KIF2A: variants seen among roughly 807,000 people sequenced by gnomAD.
The protein encoded by KIF2A is kinesin family member 2A, also known as kinesin-like protein KIF2A.
A neutral mutation model predicts 100.2 loss-of-function variants in KIF2A; 22 were observed. The ratio of observed to expected loss-of-function variants is 0.22; its 90% CI spans 0.16 to 0.31. The LOEUF is 0.31. Among genes scored for constraint, KIF2A ranks in the 10% least tolerant of loss-of-function variants. The probability of loss-of-function intolerance (pLI) is 1.00; values close to 1 mark genes in which losing one functional copy is unlikely to be tolerated. For missense variants in KIF2A, 495 were observed against 898.7 expected (o/e 0.55, Z 5.74); for synonymous variants, 268 against 285.9 (o/e 0.94, Z 0.63).
At chr5:62,315,980 T>C (rs1006431071) in intron 1 of KIF2A, among the ~76,000 whole-genome samples, 8 of 152,206 alleles carry the variant, frequency 5.3e-5, no homozygotes, top group African/African-American at 1.9e-4. Context: ...GACTTAACAT[T>C]TGCAAAGTCT....
chr5:62,347,844 A>G (rs1747654979), intron 2 of KIF2A, among the ~76,000 whole-genome samples: 2 of 151,948 alleles, frequency 1.3e-5, no homozygotes, highest in Admixed American at 6.6e-5. Flanking sequence ...GGCTGGTCTC[A>G]GACTCCTGGG....
At chr5:62,338,696 CA>C (rs1414732273) in intron 1 of KIF2A, among the ~76,000 whole-genome samples, 1 of 152,086 alleles carries the variant, frequency 6.6e-6, no homozygotes, top group African/African-American at 2.4e-5. Flanking sequence ...AATGGAAAAA[CA>C]TACATTTGAC....
intron 1 of KIF2A, among the ~76,000 whole-genome samples, chr5:62,321,048 T>C (rs1044780888): frequency 3.3e-5 from 5 of 152,326 alleles, no homozygotes; most frequent in South Asian, 2.1e-4. Context: ...TAGCCTTTAG[T>C]GTATAGCATC....
rs962980768 is a variant in KIF2A, at chr5:62,361,436, T to C, written c.964-30T>C. 3.4e-6 allele frequency: 5 copies of C among 1,476,744 alleles called. No homozygotes were observed. The African/African-American group carries it at 5.6e-5, about 16-fold the overall frequency. 91.5% of individuals were successfully genotyped at this position (1,476,744 alleles called of 1,614,324 possible). ...TCTTAAGAGTTATTCCTGAGTAATGTCTGTTCTTTATTTTCTTTTTAAAAT... is the reference window on the plus strand; with the variant it reads ...TCTTAAGAGTTATTCCTGAGTAATGCCTGTTCTTTATTTTCTTTTTAAAAT... On this transcript the variant is annotated intron_variant, in intron 10 of 20. Transcript: ENST00000407818.
chr5:62,325,677 ACT>A (rs1561252521), intron 1 of KIF2A, among the ~76,000 whole-genome samples: 3 of 152,152 alleles, frequency 2.0e-5, no homozygotes, highest in African/African-American at 7.2e-5. Flanking sequence ...AAAAGGGAAC[ACT>A]CACACACTGT....
chr5:62,324,136 A>G (rs1279003107), intron 1 of KIF2A, among the ~76,000 whole-genome samples: 1 of 152,194 alleles, frequency 6.6e-6, no homozygotes, highest in African/African-American at 2.4e-5. Context: ...AGAATAAAAT[A>G]CCTAGGAATA....
At chr5:62,309,562 G>A (rs1745463617) in intron 1 of KIF2A, among the ~76,000 whole-genome samples, 1 of 152,110 alleles carries the variant, frequency 6.6e-6, no homozygotes, top group Non-Finnish European at 1.5e-5. Flanking sequence ...GTCTATATTG[G>A]ATAAAACACT....
chr5:62,364,190 C>T (rs1261183709), intron 14 of KIF2A, among the ~76,000 whole-genome samples: 1 of 151,774 alleles, frequency 6.6e-6, no homozygotes, highest in African/African-American at 2.4e-5. Context: ...CTCTTTCGCC[C>T]AGGCTGGAGT....
intron 16 of KIF2A, among the ~76,000 whole-genome samples, chr5:62,369,047 CCT>C (rs2111974670): frequency 6.6e-6 from 1 of 152,156 alleles, no homozygotes; most frequent in South Asian, 2.1e-4. Flanking sequence ...AAACAAAACC[CCT>C]CTGTTTCTTA....
intron 16 of KIF2A, among the ~76,000 whole-genome samples, chr5:62,367,910 T>C (rs1428287132): frequency 6.6e-6 from 1 of 152,234 alleles, no homozygotes; most frequent in African/African-American, 2.4e-5. Context: ...ATTTCTAGTA[T>C]AGCAGTTCTC....
Position 62,387,384 on chromosome 5 carries a change from G to A in KIF2A, c.*1815G>A, listed in dbSNP as rs1274460384. Reference sequence around the variant, plus strand: ...AACTTTCAAAGGGCAATAAAGACATGTGAATTTGCTCATTTTAAAGCACAA... The same window carrying A: ...AACTTTCAAAGGGCAATAAAGACATATGAATTTGCTCATTTTAAAGCACAA... On this transcript the variant is annotated 3_prime_UTR_variant, in exon 21 of 21. Coordinates refer to ENST00000407818, the MANE Select transcript of KIF2A (RefSeq NM_001098511.3). 6.6e-6 allele frequency: 1 copy of A among 152,162 alleles called. No homozygotes were observed. The highest frequency in any genetic ancestry group is 1.5e-5 in the Non-Finnish European group (1 of 68,042). 9.4% of individuals were successfully genotyped at this position (152,162 alleles called of 1,614,324 possible).
At chr5:62,310,241 A>G (rs1745497004) in intron 1 of KIF2A, among the ~76,000 whole-genome samples, 1 of 151,884 alleles carries the variant, frequency 6.6e-6, no homozygotes, top group South Asian at 2.1e-4. Context: ...TTTAGTAGTG[A>G]CAGGTTTTTG....
intron 1 of KIF2A, among the ~76,000 whole-genome samples, chr5:62,342,848 G>A (rs1747365137): frequency 6.6e-6 from 1 of 151,892 alleles, no homozygotes; most frequent in Non-Finnish European, 1.5e-5. Context: ...CACCTCCTGG[G>A]TTTAAGTGAT....
chr5:62,346,248 G>A (rs1275979669), intron 1 of KIF2A, among the ~76,000 whole-genome samples: 1 of 152,054 alleles, frequency 6.6e-6, no homozygotes, highest in Admixed American at 6.6e-5. Flanking sequence ...TCTACAGATT[G>A]TAAGACTGGA....
intron 1 of KIF2A, among the ~76,000 whole-genome samples, chr5:62,309,217 C>G (rs1281085872): frequency 6.6e-6 from 1 of 152,090 alleles, no homozygotes; most frequent in Non-Finnish European, 1.5e-5. Flanking sequence ...TCAGCCTATA[C>G]CAGAAGTTCC....
chr5:62,334,363 C>T (rs1016481919), intron 1 of KIF2A, among the ~76,000 whole-genome samples: 3 of 152,048 alleles, frequency 2.0e-5, no homozygotes, highest in African/African-American at 7.3e-5. Context: ...TCCCGATCTC[C>T]AGACTTCCCT....
At chr5:62,375,865 AT>A (rs1741519080) in intron 18 of KIF2A, among the ~76,000 whole-genome samples, 3 of 152,196 alleles carry the variant, frequency 2.0e-5, no homozygotes, top group Admixed American at 6.5e-5. Flanking sequence ...CCCTCACCTT[AT>A]CCCCATACAA....
intron 2 of KIF2A, among the ~76,000 whole-genome samples, chr5:62,347,821 A>G (rs2111909145): frequency 6.6e-6 from 1 of 151,936 alleles, no homozygotes; most frequent in African/African-American, 2.4e-5. Context: ...ATGGGGTTTC[A>G]CCATGTTGCC....
intron 1 of KIF2A, among the ~76,000 whole-genome samples, chr5:62,318,368 A>G (rs1677356779): frequency 6.6e-6 from 1 of 152,240 alleles, no homozygotes; most frequent in Non-Finnish European, 1.5e-5. Context: ...GGCGTGAGCC[A>G]CTGCGCCCGG....
Sources: allele counts gnomAD v4.1 joint callset (sites outside exome capture counted in the v4.1 genomes callset), GRCh38; gene constraint gnomAD v4.1.1; transcripts MANE v1.5; gene names NCBI Gene and HGNC (gene_info 2026-07-23, HGNC 2026-07-21).